The following ATXN1 variants were observed in gnomAD, a reference collection of about 807,000 sequenced individuals.
ATXN1 encodes ataxin-1.
Under a neutral mutation model 56.4 loss-of-function variants are expected in ATXN1, and 8 were observed. That is an observed-to-expected ratio of 0.14 (90% CI 0.08 to 0.26). The LOEUF is 0.26. Ranked by LOEUF, ATXN1 falls within the 10% of genes least tolerant of loss-of-function variation. The probability of loss-of-function intolerance (pLI) is 1.00; values close to 1 mark genes in which losing one functional copy is unlikely to be tolerated. For synonymous variants in ATXN1, 514 were observed against 494.6 expected, an observed-to-expected ratio of 1.04 and a Z score of -0.52; for missense variants, 987 against 1,106.5, an observed-to-expected ratio of 0.89 and a Z score of 1.53.
chr6:16,404,856 C>T (rs1418126422), intron 6 of ATXN1, among the ~76,000 whole-genome samples: 1 of 152,158 alleles, frequency 6.6e-6, no homozygotes, highest in South Asian at 2.1e-4. Flanking sequence ...CCCACCCCCA[C>T]CTCACACCAG....
intron 3 of ATXN1, among the ~76,000 whole-genome samples, chr6:16,630,493 G>T (rs1415209460): frequency 6.6e-6 from 1 of 152,180 alleles, no homozygotes; most frequent in African/African-American, 2.4e-5. Context: ...ATTCATGGAG[G>T]AAAAGCTAAC....
intron 6 of ATXN1, among the ~76,000 whole-genome samples, chr6:16,458,856 T>C (rs1360573335): frequency 6.6e-6 from 1 of 152,154 alleles, no homozygotes; most frequent in East Asian, 1.9e-4. Context: ...AACCAGATGA[T>C]CCAACAACAG....
chr6:16,746,232 T>C (rs1181077539), intron 2 of ATXN1, among the ~76,000 whole-genome samples: 2 of 152,094 alleles, frequency 1.3e-5, no homozygotes, highest in Non-Finnish European at 2.9e-5. Flanking sequence ...AACAAATAAA[T>C]TAAAACAACA....
intron 3 of ATXN1, among the ~76,000 whole-genome samples, chr6:16,654,314 G>A (rs1028645646): frequency 6.6e-6 from 1 of 152,146 alleles, no homozygotes; most frequent in Non-Finnish European, 1.5e-5. Context: ...GGAAGGCCAA[G>A]GCAGATGGAT....
chr6:16,732,966 G>A (rs911903672), intron 2 of ATXN1, among the ~76,000 whole-genome samples: 1 of 152,148 alleles, frequency 6.6e-6, no homozygotes, highest in Non-Finnish European at 1.5e-5. Context: ...ATGGATGAGT[G>A]CAATTTGCAA....
intron 5 of ATXN1, among the ~76,000 whole-genome samples, chr6:16,496,155 A>G (rs1760777611): frequency 6.6e-6 from 1 of 152,104 alleles, no homozygotes; most frequent in South Asian, 2.1e-4. Flanking sequence ...AAATATTACA[A>G]TTTTCTGACT....
At chr6:16,310,495 T>G (rs538247351) in intron 7 of ATXN1, among the ~76,000 whole-genome samples, 1 of 152,304 alleles carries the variant, frequency 6.6e-6, no homozygotes, top group South Asian at 2.1e-4. Context: ...CTTTTTTTCT[T>G]TTTGTGAGAG....
intron 2 of ATXN1, among the ~76,000 whole-genome samples, chr6:16,691,708 T>A (rs72825597): frequency 0.089 from 13,588 of 152,172 alleles, 738 homozygotes; most frequent in Middle Eastern, 0.13. Context: ...GTAGTTGAAA[T>A]AAATGGAAGC....
chr6:16,474,324 G>A lies in ATXN1; in HGVS notation c.-161+11648C>T, dbSNP rs1760282973. Among the ~76,000 whole-genome samples, 3 of 152,346 alleles carry A rather than the reference G, an allele frequency of 2.0e-5. No homozygotes were observed. In the South Asian group the frequency reaches 6.2e-4, roughly 32 times the overall value. On this transcript the variant is annotated intron_variant, in intron 6 of 7. Transcript: ENST00000436367. ...GCACTGGGGCTTGCCCTTTCTTGCT[G>A]CTTTTGGGAACCCTTAGCCTGCAAA... is the stretch of plus-strand genomic sequence containing the variant.
intron 4 of ATXN1, among the ~76,000 whole-genome samples, chr6:16,563,063 C>T (rs942385353): frequency 6.6e-6 from 1 of 151,898 alleles, no homozygotes; most frequent in Admixed American, 6.6e-5. Flanking sequence ...CAGCATGCAA[C>T]ACTTGTCTGC....
chr6:16,753,562 T>C (rs1049027152), intron 1 of ATXN1, among the ~76,000 whole-genome samples: 2 of 152,168 alleles, frequency 1.3e-5, no homozygotes, highest in Non-Finnish European at 2.9e-5. Context: ...GAGGCCAACA[T>C]ACAAAAAGGT....
chr6:16,479,277 C>T (rs1760389323), intron 6 of ATXN1, among the ~76,000 whole-genome samples: 1 of 152,102 alleles, frequency 6.6e-6, no homozygotes, highest in Non-Finnish European at 1.5e-5. Flanking sequence ...TGCTATCACA[C>T]CTCAAAATCA....
chr6:16,709,880 T>A (rs1759486977), intron 2 of ATXN1, among the ~76,000 whole-genome samples: 1 of 152,302 alleles, frequency 6.6e-6, no homozygotes, highest in Middle Eastern at 3.4e-3. Flanking sequence ...CTGGTTCTTA[T>A]CCCAGGAACT....
chr6:16,728,375 AG>A (rs577016092), intron 2 of ATXN1, among the ~76,000 whole-genome samples: 92 of 152,316 alleles, frequency 6.0e-4, no homozygotes, highest in African/African-American at 2.1e-3. Context: ...GGGCAGAATG[AG>A]GACAGGTAAA....
chr6:16,471,759 AT>A (rs1337549878), intron 6 of ATXN1, among the ~76,000 whole-genome samples: 1 of 152,098 alleles, frequency 6.6e-6, no homozygotes, highest in African/African-American at 2.4e-5. Context: ...GGGAGTTTAC[AT>A]AAGAGAAGGT....
At chr6:16,645,022 T>G (rs1334147297) in intron 3 of ATXN1, among the ~76,000 whole-genome samples, 2 of 152,228 alleles carry the variant, frequency 1.3e-5, no homozygotes, top group Non-Finnish European at 2.9e-5. Context: ...GTAGGTTCAC[T>G]GGCCATGACC....
At chr6:16,752,095 A>T (rs1760739387) in intron 2 of ATXN1, among the ~76,000 whole-genome samples, 1 of 152,226 alleles carries the variant, frequency 6.6e-6, no homozygotes, top group Middle Eastern at 3.2e-3. Flanking sequence ...GTAACTTAAA[A>T]ATTGGCTCTT....
chr6:16,455,449 C>T (rs1759846941), intron 6 of ATXN1, among the ~76,000 whole-genome samples: 1 of 152,226 alleles, frequency 6.6e-6, no homozygotes, highest in African/African-American at 2.4e-5. Context: ...GCCATAGGAA[C>T]TCTCAAGTCA....
intron 6 of ATXN1, among the ~76,000 whole-genome samples, chr6:16,338,934 G>C (rs906655945): frequency 1.3e-5 from 2 of 152,168 alleles, no homozygotes; most frequent in Non-Finnish European, 2.9e-5. Context: ...AGGCAATTCA[G>C]CACACAAGCA....
Sources: allele counts gnomAD v4.1 joint callset (sites outside exome capture counted in the v4.1 genomes callset), GRCh38; gene constraint gnomAD v4.1.1; transcripts MANE v1.5; gene names NCBI Gene and HGNC (gene_info 2026-07-23, HGNC 2026-07-21).